Variants in ARL10 observed in about 807,000 individuals in gnomAD.
ARL10 encodes the protein ADP-ribosylation factor-like protein 10.
A neutral mutation model predicts 26.1 loss-of-function variants in ARL10; 23 were observed. That is an observed-to-expected ratio of 0.88 (90% CI 0.63 to 1.25). The LOEUF is 1.25. ARL10 is among the 50% of genes most tolerant of loss of function. The pLI is 0.00. For missense variants in ARL10, 300 were observed against 323.6 expected (o/e 0.93, Z 0.56); for synonymous variants, 138 against 149.1 (o/e 0.93, Z 0.54).
chr5:176,411,482 A>G, the ARL10 span, among the ~76,000 whole-genome samples: 1 of 152,108 alleles, frequency 6.6e-6, no homozygotes, highest in African/African-American at 2.4e-5. Flanking sequence ...AATGCTGCCT[A>G]ATTAAAGGCC....
chr5:176,408,812 GC>G, the ARL10 span, among the ~76,000 whole-genome samples: 1 of 152,174 alleles, frequency 6.6e-6, no homozygotes, highest in Non-Finnish European at 1.5e-5. Context: ...AAGCCGCCGT[GC>G]CCGGCTGGGT....
chr5:176,387,783 T>C (rs1262811998), intron 1 of ARL10, among the ~76,000 whole-genome samples: 1 of 152,110 alleles, frequency 6.6e-6, no homozygotes, highest in Non-Finnish European at 1.5e-5. Flanking sequence ...ACGCTTATAA[T>C]CCCAGCTATT....
chr5:176,410,311 G>C, the ARL10 span: 2 of 1,613,344 alleles, frequency 1.2e-6, no homozygotes, highest in Admixed American at 1.7e-5. Flanking sequence ...CAGCTGGAAA[G>C]AGAACAAGGA....
rs1335518156 is a variant in ARL10 at position 176,365,605 on chromosome 5, C to T, written c.42C>T (p.Gly14=). The T allele has an allele frequency of 8.0e-7, 1 of 1,254,568 alleles. No homozygotes were observed. Among genetic ancestry groups the T allele is most frequent in the Non-Finnish European group, 1.0e-6 (1 of 1,001,322 alleles). The allele number at this position is 1,254,568 out of a possible 1,614,324, so 77.7% of individuals were successfully genotyped here. A position where few individuals can be genotyped will look rare whatever the true frequency, so the allele number is the denominator to read the frequency against. ...RPLGPLVLAL[G]GAAAVLGSVL... is the part of the protein sequence containing the mutation. Reference sequence around the variant, plus strand: ...TGGGCCCCTTGGTGCTGGCGCTGGGCGGCGCCGCGGCGGTGCTGGGCTCGG... The same window carrying T: ...TGGGCCCCTTGGTGCTGGCGCTGGGTGGCGCCGCGGCGGTGCTGGGCTCGG... The change falls in exon 1 of 4, where the codon GGC becomes GGT. Residue 14 remains glycine (G), a synonymous_variant. Coordinates refer to ENST00000310389, the MANE Select transcript of ARL10 (RefSeq NM_173664.6).
At chr5:176,414,615 G>C in the ARL10 span, among the ~76,000 whole-genome samples, 1 of 152,074 alleles carries the variant, frequency 6.6e-6, no homozygotes, top group East Asian at 1.9e-4. Context: ...GCTAATTTTT[G>C]TATGTTTTGT....
Position 176,368,010 on chromosome 5 carries a change from G to A in ARL10, c.386-797G>A. The A allele has an allele frequency of 1.9e-6, 1 of 525,032 alleles. No individual in the cohort carries two copies. Among genetic ancestry groups the A allele is most frequent in the Non-Finnish European group, 3.9e-6 (1 of 259,574 alleles). The allele number at this position is 525,032 out of a possible 1,614,324, so 32.5% of individuals were successfully genotyped here. A position where few individuals can be genotyped will look rare whatever the true frequency, so the allele number is the denominator to read the frequency against. On this transcript the variant is annotated intron_variant, in intron 2 of 3. Transcript: ENST00000310389. The surrounding 1 kb of genome is among the most constrained non-coding windows in gnomAD (Gnocchi z 4.1). The stretch of plus-strand genomic sequence containing the variant: ...AATATTTGTTGAGTGCCTGCTATGT[G>A]CCAGGCATTGTGCTGAGGGCTTTGT...
Position 176,388,530 on chromosome 5 carries a change from C to T in ARL10, c.*32C>T, listed in dbSNP as rs777430631. ...TTCTGCCTCCGGGTTTTGCCCTTGGCCTTGGGCATCGCGCTGACCACCGCA... is the reference window on the plus strand; with the variant it reads ...TTCTGCCTCCGGGTTTTGCCCTTGGTCTTGGGCATCGCGCTGACCACCGCA... On this transcript the variant is annotated 3_prime_UTR_variant, in exon 2 of 2. Coordinates refer to the ARL10 transcript ENST00000503175. The T allele has an allele frequency of 3.1e-6, 5 of 1,611,052 alleles. No individual in the cohort carries two copies. In the Admixed American group the frequency reaches 8.3e-5, roughly 27 times the overall value.
downstream of ARL10, chr5:176,388,982 G>C (rs747275852): frequency 6.2e-7 from 1 of 1,613,904 alleles, no homozygotes; most frequent in Admixed American, 1.7e-5. Flanking sequence ...AGGTAAGTGG[G>C]TGCGGTAGGA....
rs1328941908 is a variant in ARL10 at position 176,378,924 on chromosome 5, G to C, written c.*7029G>C. On this transcript the variant is annotated 3_prime_UTR_variant, in exon 4 of 4. Coordinates refer to ENST00000310389, the MANE Select transcript of ARL10 (RefSeq NM_173664.6). ...AAAAAAAAAAAAAATTTCAAATGATGTTGGTCTACTTGCTGAAAAATGCTG... is the reference window on the plus strand; with the variant it reads ...AAAAAAAAAAAAAATTTCAAATGATCTTGGTCTACTTGCTGAAAAATGCTG... 1.3e-5 allele frequency: 2 copies of C among 151,232 alleles called. No homozygotes were observed. Among genetic ancestry groups the C allele is most frequent in the East Asian group, 3.9e-4 (2 of 5,128 alleles). The allele number at this position is 151,232 out of a possible 1,614,324, so 9.4% of individuals were successfully genotyped here.
chr5:176,389,343 C>T (rs1260906935), downstream of ARL10: 2 of 1,613,230 alleles, frequency 1.2e-6, no homozygotes, highest in East Asian at 2.2e-5. Context: ...TGCCTGGCCA[C>T]GGCGGCCGCC....
In ARL10 at chr5:176,371,921, G is replaced by A. The variant is rs775431506; in HGVS notation, c.*26G>A. On this transcript the variant is annotated 3_prime_UTR_variant, in exon 4 of 4. Transcript: ENST00000310389. Reference sequence around the variant, plus strand: ...GCTGGAGCTCTCCTGCTTGCCACCTGCCTGTCAAGACCATAGTTGTACTGC... The same window carrying A: ...GCTGGAGCTCTCCTGCTTGCCACCTACCTGTCAAGACCATAGTTGTACTGC... The A allele has an allele frequency of 5.6e-6, 9 of 1,609,746 alleles. No homozygotes were observed. The South Asian group carries it at 8.8e-5, about 16-fold the overall frequency.
downstream of ARL10, chr5:176,392,691 C>T (rs1361377772): frequency 1.1e-5 from 16 of 1,493,708 alleles, no homozygotes; most frequent in South Asian, 2.4e-5. The surrounding 1 kb of genome is among the most constrained non-coding windows in gnomAD (Gnocchi z 5.2). Context: ...GCAGCTGCTG[C>T]GAGTCTCCAC....
In ARL10 at chr5:176,375,115, T is replaced by TCCGTCCACCCGTCCAC. The variant is rs1408048126; in HGVS notation, c.*3231_*3246dup. Reference sequence around the variant, plus strand: ...ATCCATCCATCCATCCATCCCTCCATCCGTCCACCCGTCCACCCGTCCACC... The same window carrying TCCGTCCACCCGTCCAC: ...ATCCATCCATCCATCCATCCCTCCATCCGTCCACCCGTCCACCCGTCCACCCGTCCACCCGTCCACC... On this transcript the variant is annotated 3_prime_UTR_variant, in exon 4 of 4. Coordinates refer to ENST00000310389, the MANE Select transcript of ARL10 (RefSeq NM_173664.6). 2 of 146,048 alleles carry TCCGTCCACCCGTCCAC rather than the reference T, an allele frequency of 1.4e-5. No homozygotes were observed. The highest frequency in any genetic ancestry group is 2.6e-5 in the African/African-American group (1 of 39,026). The allele number at this position is 146,048 out of a possible 1,614,324, so 9.0% of individuals were successfully genotyped here. A position where few individuals can be genotyped will look rare whatever the true frequency, so the allele number is the denominator to read the frequency against.
At chr5:176,402,484 T>TC (rs1051173087), downstream of ARL10, among the ~76,000 whole-genome samples, 1 of 152,122 alleles carries the variant, frequency 6.6e-6, no homozygotes, top group Non-Finnish European at 1.5e-5. Flanking sequence ...GGAACATTCT[T>TC]CCCCTAGAAT....
downstream of ARL10, chr5:176,383,902 C>G: frequency 1.4e-6 from 2 of 1,407,960 alleles, no homozygotes; most frequent in Non-Finnish European, 1.9e-6. Flanking sequence ...GGGGCAGCCC[C>G]AGGGTTTGGC....
At chr5:176,366,650 G>A (rs1768318870) in intron 2 of ARL10, 69 bp downstream of exon 2, 2 of 1,555,114 alleles carry the variant, frequency 1.3e-6, no homozygotes, top group Non-Finnish European at 8.8e-7. Flanking sequence ...CTGCAGGGAA[G>A]GGGGCTTCCA....
chr5:176,384,769 C>G (rs1218438949), downstream of ARL10: 7 of 354,450 alleles, frequency 2.0e-5, no homozygotes, highest in Non-Finnish European at 3.6e-5. Flanking sequence ...GATTCTGTCT[C>G]AAAAAAAAGA....
chr5:176,400,863 C>T (rs1756782780), intron 1 of ARL10, among the ~76,000 whole-genome samples: 1 of 152,182 alleles, frequency 6.6e-6, no homozygotes, highest in Non-Finnish European at 1.5e-5. Context: ...AGCAAAGACC[C>T]CTGGAGCCAG....
chr5:176,402,496 G>A (rs145272892), downstream of ARL10, among the ~76,000 whole-genome samples: 7 of 152,170 alleles, frequency 4.6e-5, no homozygotes, highest in East Asian at 1.9e-4. Context: ...CCCTAGAATC[G>A]AGGGTCTACA....
Sources: allele counts gnomAD v4.1 joint callset (sites outside exome capture counted in the v4.1 genomes callset), GRCh38; gene constraint gnomAD v4.1.1; non-coding constraint Gnocchi (gnomAD v3.1); transcripts MANE v1.5; gene names NCBI Gene and HGNC (gene_info 2026-07-23, HGNC 2026-07-21).